MAD1L1: variants seen among roughly 807,000 people sequenced by gnomAD.
MAD1L1 encodes the protein mitotic spindle assembly checkpoint protein MAD1.
Under a neutral mutation model 96.9 loss-of-function variants are expected in MAD1L1, and 95 were observed. The ratio of observed to expected loss-of-function variants is 0.98; its 90% CI spans 0.83 to 1.16. MAD1L1 has a LOEUF of 1.16. MAD1L1 is among the 50% of genes most tolerant of loss of function. The pLI is 0.00. For synonymous variants in MAD1L1, 473 were observed against 396.6 expected (o/e 1.19, Z -2.29); for missense variants, 1,007 against 954.4 (o/e 1.06, Z -0.73).
intron 13 of MAD1L1, among the ~76,000 whole-genome samples, chr7:2,002,418 G>A (rs767296389): frequency 3.3e-5 from 5 of 152,242 alleles, no homozygotes; most frequent in Non-Finnish European, 4.4e-5. Context: ...CTGTGAATGG[G>A]GTGGACAGGG....
At chr7:1,884,320 C>T (rs933193208) in intron 18 of MAD1L1, among the ~76,000 whole-genome samples, 9 of 152,364 alleles carry the variant, frequency 5.9e-5, no homozygotes, top group African/African-American at 1.9e-4. Context: ...TCCACCAGTG[C>T]ACCCCTAGCC....
chr7:1,816,380 C>T, intron 18 of MAD1L1, 152 bp from the exon 19 acceptor site: 2 of 689,872 alleles, frequency 2.9e-6, no homozygotes, highest in Non-Finnish European at 2.5e-6. Flanking sequence ...CCTGCCAGGC[C>T]TTATTCCAGG....
At chr7:1,951,096 C>T (rs982264015) in intron 16 of MAD1L1, among the ~76,000 whole-genome samples, 1 of 152,272 alleles carries the variant, frequency 6.6e-6, no homozygotes, top group Non-Finnish European at 1.5e-5. Flanking sequence ...CCCTGGCCTG[C>T]CGAGGAAGTG....
chr7:2,179,275 A>C lies in MAD1L1; in HGVS notation c.987-30037T>G, dbSNP rs1323789428. 3.0e-4 allele frequency among the ~76,000 whole-genome samples: 45 copies of C among 152,166 alleles called. 1 individual carries two copies. The highest frequency in any genetic ancestry group is 2.9e-3 in the Admixed American group (45 of 15,278). On this transcript the variant is annotated intron_variant, in intron 10 of 18. Transcript: ENST00000265854. ...CCGGGCACGGTGGCTCATGCCTGTA[A>C]TCCCAGCACTTTGGGAGGCCGAGGC...
chr7:2,135,501 T>C (rs541995565), intron 11 of MAD1L1, among the ~76,000 whole-genome samples: 3 of 152,374 alleles, frequency 2.0e-5, no homozygotes, highest in East Asian at 3.8e-4. Flanking sequence ...TAATTTTAAT[T>C]TCCAAAGATG....
At chr7:2,117,158 C>T (rs1584363381) in intron 11 of MAD1L1, among the ~76,000 whole-genome samples, 1 of 152,336 alleles carries the variant, frequency 6.6e-6, no homozygotes, top group Middle Eastern at 3.4e-3. Context: ...GCAACATCCA[C>T]GTTCCCCAGG....
At chr7:1,830,044 C>T (rs1280751607) in intron 18 of MAD1L1, among the ~76,000 whole-genome samples, 1 of 152,148 alleles carries the variant, frequency 6.6e-6, no homozygotes, top group Non-Finnish European at 1.5e-5. Context: ...AGCTGATTCA[C>T]ACTGCAAGAA....
chr7:2,231,231 G>A (rs1172023991), intron 1 of MAD1L1, among the ~76,000 whole-genome samples: 1 of 152,186 alleles, frequency 6.6e-6, no homozygotes, highest in Non-Finnish European at 1.5e-5. Flanking sequence ...CTGGGAGGCA[G>A]AGGTTGCAGT....
At chr7:2,080,504 A>C (rs1785586082) in intron 11 of MAD1L1, among the ~76,000 whole-genome samples, 1 of 151,810 alleles carries the variant, frequency 6.6e-6, no homozygotes. Context: ...AGTAATAACC[A>C]CCCTCTGACT....
At chr7:2,023,223 C>G (rs1782860137) in intron 12 of MAD1L1, among the ~76,000 whole-genome samples, 1 of 152,154 alleles carries the variant, frequency 6.6e-6, no homozygotes, top group Admixed American at 6.5e-5. Context: ...GCATCAACAG[C>G]AGAATATATA....
At chr7:2,089,928 C>T (rs1197969577) in intron 11 of MAD1L1, among the ~76,000 whole-genome samples, 4 of 152,210 alleles carry the variant, frequency 2.6e-5, no homozygotes, top group Admixed American at 1.3e-4. Context: ...CCAGACCTTT[C>T]GAGCTGCAGA....
intron 18 of MAD1L1, among the ~76,000 whole-genome samples, chr7:1,891,535 ATAAAAT>A (rs139700659): frequency 0.3 from 45,013 of 151,844 alleles, 8,006 homozygotes; most frequent in East Asian, 0.45. Flanking sequence ...AAATAAATAA[ATAAAAT>A]TAAAAAGTTT....
chr7:1,896,452 A>C (rs1583691660), intron 18 of MAD1L1, among the ~76,000 whole-genome samples: 1 of 152,344 alleles, frequency 6.6e-6, no homozygotes, highest in South Asian at 2.1e-4. Flanking sequence ...GCTGCGCTTC[A>C]GAAGCCCATG....
chr7:2,217,979 G>C lies in MAD1L1; in HGVS notation c.661C>G (p.His221Asp), dbSNP rs763899188. Residue 221 changes from histidine to aspartate, a missense_variant, in exon 7 of 19, where the codon CAC (histidine) becomes GAC (aspartate). Physicochemically the swap from His to Asp is moderately conservative, Grantham distance 81. Transcript: ENST00000265854. ...TGACTCACCTTAATCTGCTGCTCGT[G>C]GTCTGCTCTTGCTTCTTGGCTGGCC... ...LQASQEARAD[H>D]EQQIKDLEQK... The C allele has an allele frequency of 3.1e-6, 5 of 1,613,868 alleles. No homozygotes were observed. The highest frequency in any genetic ancestry group is 1.7e-4 in the Middle Eastern group (1 of 6,056).
chr7:2,189,240 A>C (rs939416011), intron 10 of MAD1L1, among the ~76,000 whole-genome samples: 2 of 152,248 alleles, frequency 1.3e-5, no homozygotes, highest in Non-Finnish European at 2.9e-5. Context: ...AAAATGGTAC[A>C]GCCACTGTGG....
intron 18 of MAD1L1, among the ~76,000 whole-genome samples, chr7:1,843,457 G>A (rs934843154): frequency 6.6e-6 from 1 of 152,210 alleles, no homozygotes; most frequent in South Asian, 2.1e-4. Context: ...CCCTCCTGAG[G>A]GGGCTTGATG....
intron 11 of MAD1L1, among the ~76,000 whole-genome samples, chr7:2,147,600 C>T (rs550539523): frequency 3.3e-5 from 5 of 152,324 alleles, no homozygotes; most frequent in African/African-American, 9.6e-5. Context: ...GCACCAAGCG[C>T]GTCCATGGGA....
At chr7:1,842,268 C>A (rs1051818323) in intron 18 of MAD1L1, among the ~76,000 whole-genome samples, 9 of 152,238 alleles carry the variant, frequency 5.9e-5, no homozygotes, top group Admixed American at 3.3e-4. Flanking sequence ...TTTCACTTTT[C>A]ACAGACACCC....
intron 18 of MAD1L1, among the ~76,000 whole-genome samples, chr7:1,881,082 A>G (rs1785653682): frequency 6.6e-6 from 1 of 152,184 alleles, no homozygotes; most frequent in Non-Finnish European, 1.5e-5. Context: ...GAACTGCTCC[A>G]TTACATACCT....
Sources: gnomAD v4.1 joint callset for allele counts (sites outside exome capture counted in the v4.1 genomes callset) on GRCh38, gnomAD v4.1.1 for gene constraint, MANE v1.5 for transcripts, NCBI Gene and HGNC (gene_info 2026-07-23, HGNC 2026-07-21) for gene names.